SLC35B4: variants seen among roughly 807,000 people sequenced by gnomAD.
The protein encoded by SLC35B4 is solute carrier family 35 member B4, also known as nucleotide sugar transporter SLC35B4.
In SLC35B4, 28 loss-of-function variants were observed where a neutral mutation model predicts 39.5. That is an observed-to-expected ratio of 0.71 (90% CI 0.53 to 0.97). The LOEUF is 0.97. SLC35B4 is among the 50% of genes least tolerant of loss of function. The probability of loss-of-function intolerance (pLI) is 0.00; values close to 1 mark genes in which losing one functional copy is unlikely to be tolerated. For synonymous variants in SLC35B4, 145 were observed against 150.4 expected, an observed-to-expected ratio of 0.96 and a Z score of 0.26; for missense variants, 334 against 414.3, an observed-to-expected ratio of 0.81 and a Z score of 1.68.
rs1429976938 is a variant in SLC35B4, at chr7:134,289,727, G to A, written c.*5106C>T. 3.9e-5 allele frequency: 6 copies of A among 152,202 alleles called. No individual in the cohort carries two copies. Among genetic ancestry groups the A allele is most frequent in the Admixed American group, 6.6e-5 (1 of 15,264 alleles). The allele number at this position is 152,202 out of a possible 1,614,324, so 9.4% of individuals were successfully genotyped here. On this transcript the variant is annotated 3_prime_UTR_variant, in exon 10 of 10. Transcript: ENST00000378509. ...TACACAAAGGCATTTTTATTGCGCC[G>A]GGGAATAACCACTACTGCTCTCTTT...
upstream of SLC35B4, among the ~76,000 whole-genome samples, chr7:134,317,522 T>A (rs1311291368): frequency 6.6e-6 from 1 of 152,224 alleles, no homozygotes; most frequent in East Asian, 1.9e-4. Context: ...TCCCTAATCC[T>A]AGCTCTTTAA....
intron 1 of SLC35B4, among the ~76,000 whole-genome samples, chr7:134,316,323 C>A (rs373979006): frequency 1.3e-5 from 2 of 152,200 alleles, no homozygotes; most frequent in Non-Finnish European, 2.9e-5. Flanking sequence ...GGTTCTGACA[C>A]TAGCTCTCTG....
rs1225334252 is a variant in SLC35B4 at position 134,290,162 on chromosome 7, G to A, written c.*4671C>T. ...CACTTTCTTCCTGAGCATCAAATAT[G>A]TAAGGTGCTAACTACATAATACTCT... On this transcript the variant is annotated 3_prime_UTR_variant, in exon 10 of 10. Transcript: ENST00000378509. The A allele has an allele frequency of 6.6e-6, 1 of 152,206 alleles. No homozygotes were observed. Among genetic ancestry groups the A allele is most frequent in the African/African-American group, 2.4e-5 (1 of 41,448 alleles). 9.4% of individuals were successfully genotyped at this position (152,206 alleles called of 1,614,324 possible). A position where few individuals can be genotyped will look rare whatever the true frequency, so the allele number is the denominator to read the frequency against.
chr7:134,295,867 T>C (rs1202199945), intron 9 of SLC35B4, among the ~76,000 whole-genome samples: 3 of 152,294 alleles, frequency 2.0e-5, no homozygotes, highest in Non-Finnish European at 2.9e-5. Context: ...TCTCACTCTG[T>C]TGTCCAGGCT....
intron 4 of SLC35B4, among the ~76,000 whole-genome samples, chr7:134,304,551 G>C (rs537917192): frequency 6.6e-6 from 1 of 152,328 alleles, no homozygotes; most frequent in East Asian, 1.9e-4. Flanking sequence ...TCGCAGGTTA[G>C]TATGACACTA....
rs1487125109 is a variant in SLC35B4 at position 134,290,801 on chromosome 7, G to C, written c.*4032C>G. The C allele has an allele frequency of 6.6e-6, 1 of 152,142 alleles. No individual in the cohort carries two copies. The highest frequency in any genetic ancestry group is 1.5e-5 in the Non-Finnish European group (1 of 68,030). 9.4% of individuals were successfully genotyped at this position (152,142 alleles called of 1,614,324 possible). On this transcript the variant is annotated 3_prime_UTR_variant, in exon 10 of 10. Coordinates refer to ENST00000378509, the MANE Select transcript of SLC35B4 (RefSeq NM_032826.5). ...AAGCTATTGAGACCAATATGCTTTGGTTATCTAATAAGGGTGGAATGACTT... is the reference window on the plus strand; with the variant it reads ...AAGCTATTGAGACCAATATGCTTTGCTTATCTAATAAGGGTGGAATGACTT...
rs1585636633 is a variant in SLC35B4, at chr7:134,300,333, A to T, written c.488-72T>A. ...CCAGATGTTTTTCTTGAAGAACATTATTGTTTAAAGTCCTGCAAATATTAT... is the reference window on the plus strand; with the variant it reads ...CCAGATGTTTTTCTTGAAGAACATTTTTGTTTAAAGTCCTGCAAATATTAT... On this transcript the variant is annotated intron_variant, in intron 6 of 9. Coordinates refer to ENST00000378509, the MANE Select transcript of SLC35B4 (RefSeq NM_032826.5). 9 of 1,115,240 alleles carry T rather than the reference A, an allele frequency of 8.1e-6. No homozygotes were observed. In the East Asian group the frequency reaches 2.1e-4, roughly 27 times the overall value. 69.1% of individuals were successfully genotyped at this position (1,115,240 alleles called of 1,614,324 possible). A position where few individuals can be genotyped will look rare whatever the true frequency, so the allele number is the denominator to read the frequency against.
At chr7:134,318,619 G>C (rs886643752), upstream of SLC35B4, among the ~76,000 whole-genome samples, 1 of 152,096 alleles carries the variant, frequency 6.6e-6, no homozygotes, top group Non-Finnish European at 1.5e-5. Flanking sequence ...CCTGCCAACA[G>C]GAAGCTGGTC....
At chr7:134,305,419 C>A (rs1465494151) in intron 3 of SLC35B4, among the ~76,000 whole-genome samples, 1 of 151,886 alleles carries the variant, frequency 6.6e-6, no homozygotes, top group African/African-American at 2.4e-5. Context: ...CATTATCAGC[C>A]CTCCTTATAG....
rs1803298930 is a variant in SLC35B4, at chr7:134,289,997, C to G, written c.*4836G>C. Reference sequence around the variant, plus strand: ...ATGATACTGAGATCAGACCAACAGACAGTGATCTCCAGGCATCAGCTTCAG... The same window carrying G: ...ATGATACTGAGATCAGACCAACAGAGAGTGATCTCCAGGCATCAGCTTCAG... On this transcript the variant is annotated 3_prime_UTR_variant, in exon 10 of 10. Transcript: ENST00000378509. 6.6e-6 allele frequency: 1 copy of G among 152,130 alleles called. No homozygotes were observed. The highest frequency in any genetic ancestry group is 2.1e-4 in the South Asian group (1 of 4,824). The allele number at this position is 152,130 out of a possible 1,614,324, so 9.4% of individuals were successfully genotyped here.
At chr7:134,305,236 T>C (rs904225307) in intron 3 of SLC35B4, among the ~76,000 whole-genome samples, 1 of 151,870 alleles carries the variant, frequency 6.6e-6, no homozygotes, top group East Asian at 1.9e-4. Flanking sequence ...GGCAGGAGAA[T>C]CCCTTGAACC....
intron 9 of SLC35B4, among the ~76,000 whole-genome samples, chr7:134,295,864 C>T (rs1256818766): frequency 6.6e-6 from 1 of 152,150 alleles, no homozygotes; most frequent in Non-Finnish European, 1.5e-5. Context: ...GAGTCTCACT[C>T]TGTTGTCCAG....
Position 134,296,439 on chromosome 7 carries a change from AC to A in SLC35B4, c.700del (p.Val234Ter). ...SELYEIPVIG[V>X]TLPIMWFYLL... ...GTAGAACCACATGATGGGCAGGGTC[AC>A]TCCGATGACGGGAATTTCATATAAC... On this transcript the variant is annotated frameshift_variant, in exon 9 of 10. Coordinates refer to ENST00000378509, the MANE Select transcript of SLC35B4 (RefSeq NM_032826.5). LOFTEE classifies it high-confidence loss of function. The A allele has an allele frequency of 6.2e-7, 1 of 1,613,978 alleles. No individual in the cohort carries two copies. The highest frequency in any genetic ancestry group is 8.5e-7 in the Non-Finnish European group (1 of 1,179,908).
chr7:134,295,015 C>T lies in SLC35B4; in HGVS notation c.814G>A (p.Val272Ile), dbSNP rs761827070. ...TECASLTVTLVVTLRKFVSLI... is the reference protein window; with the variant it reads ...TECASLTVTLIVTLRKFVSLI... ...CTCACAAATTTGCGTAGGGTCACGA[C>T]GAGCGTGACGGTGAGGGAGGCGCAT... The change falls in exon 10 of 10, where the codon GTC becomes ATC. Residue 272 changes from valine to isoleucine, a missense_variant. By Grantham distance (29) the Val-to-Ile change is conservative. Transcript: ENST00000378509. The T allele has an allele frequency of 1.8e-5, 29 of 1,614,028 alleles. 1 individual carries two copies. The highest frequency in any genetic ancestry group is 7.7e-5 in the South Asian group (7 of 91,082).
intron 2 of SLC35B4, among the ~76,000 whole-genome samples, chr7:134,308,985 T>C (rs1403352179): frequency 6.6e-6 from 1 of 152,222 alleles, no homozygotes; most frequent in African/African-American, 2.4e-5. Flanking sequence ...CCTCTATTTA[T>C]TTCCAAAAGC....
chr7:134,317,839 T>G (rs1435869321), upstream of SLC35B4, among the ~76,000 whole-genome samples: 2 of 152,264 alleles, frequency 1.3e-5, no homozygotes, highest in African/African-American at 4.8e-5. Context: ...TATGCACACT[T>G]TATCCACCCA....
At chr7:134,311,809 T>C (rs1000714120) in intron 1 of SLC35B4, among the ~76,000 whole-genome samples, 1 of 152,176 alleles carries the variant, frequency 6.6e-6, no homozygotes, top group African/African-American at 2.4e-5. Flanking sequence ...GAAATACCAG[T>C]CAAGGTGCAG....
intron 1 of SLC35B4, among the ~76,000 whole-genome samples, chr7:134,311,671 C>A (rs1040884208): frequency 6.6e-6 from 1 of 152,040 alleles, no homozygotes; most frequent in African/African-American, 2.4e-5. Flanking sequence ...CAAACAACAA[C>A]AACAAAAAAA....
intron 3 of SLC35B4, among the ~76,000 whole-genome samples, chr7:134,305,685 C>T (rs1450465163): frequency 6.6e-6 from 1 of 152,004 alleles, no homozygotes; most frequent in Non-Finnish European, 1.5e-5. Flanking sequence ...TTTTTTCTTC[C>T]CTCAGACGGA....
Sources: allele counts gnomAD v4.1 joint callset (sites outside exome capture counted in the v4.1 genomes callset), GRCh38; gene constraint gnomAD v4.1.1; transcripts MANE v1.5; gene names NCBI Gene and HGNC (gene_info 2026-07-23, HGNC 2026-07-21).